Variants in MACROD2 observed in about 807,000 individuals in gnomAD.
The protein encoded by MACROD2 is ADP-ribose glycohydrolase MACROD2.
Under a neutral mutation model 70.4 loss-of-function variants are expected in MACROD2, and 36 were observed. That is an observed-to-expected ratio of 0.51 (90% CI 0.39 to 0.68). MACROD2 has a LOEUF of 0.68. Ranked by LOEUF, MACROD2 falls within the 30% of genes least tolerant of loss-of-function variation. The pLI, the probability that MACROD2 is intolerant of heterozygous loss-of-function variation, is 0.00. For missense variants in MACROD2, 496 were observed against 538.4 expected (o/e 0.92, Z 0.78); for synonymous variants, 172 against 178.8 (o/e 0.96, Z 0.30).
chr20:14,323,664 A>C (rs1412068973), intron 3 of MACROD2: 1 of 152,198 alleles, frequency 6.6e-6, no homozygotes. Flanking sequence ...CCTGCCAGCT[A>C]TCAGTGAACT....
At chr20:14,604,121 C>T (rs1475607536) in intron 4 of MACROD2, among the ~76,000 whole-genome samples, 4 of 152,086 alleles carry the variant, frequency 2.6e-5, no homozygotes, top group Admixed American at 6.6e-5. Flanking sequence ...CTTATTTTGT[C>T]GAATTAACTA....
intron 4 of MACROD2, among the ~76,000 whole-genome samples, chr20:14,638,604 T>G (rs893505655): frequency 1.3e-5 from 2 of 152,172 alleles, no homozygotes; most frequent in Non-Finnish European, 2.9e-5. Context: ...TTTCCTCATC[T>G]GTATAATGAG....
intron 15 of MACROD2, among the ~76,000 whole-genome samples, chr20:16,002,983 G>A (rs2066731209): frequency 6.6e-6 from 1 of 151,860 alleles, no homozygotes; most frequent in Non-Finnish European, 1.5e-5. Flanking sequence ...TTTCAATGAT[G>A]TTTATTAATT....
intron 3 of MACROD2, among the ~76,000 whole-genome samples, chr20:14,164,550 G>A (rs1186802458): frequency 6.6e-6 from 1 of 152,146 alleles, no homozygotes; most frequent in East Asian, 1.9e-4. Context: ...AATTGTCTGG[G>A]ACAAAAGTAG....
intron 15 of MACROD2, among the ~76,000 whole-genome samples, chr20:16,038,969 C>G (rs929992771): frequency 2.7e-5 from 4 of 150,468 alleles, no homozygotes; most frequent in African/African-American, 7.5e-5. Flanking sequence ...AGGATATAAC[C>G]CTTCAGGGTA....
chr20:15,469,606 C>T (rs574338298), intron 7 of MACROD2, among the ~76,000 whole-genome samples: 17 of 152,134 alleles, frequency 1.1e-4, no homozygotes, highest in South Asian at 2.1e-4. Context: ...GTAAGGAGAC[C>T]GACTGAGCAA....
At chr20:15,098,374 C>A (rs1359740904) in intron 5 of MACROD2, among the ~76,000 whole-genome samples, 1 of 152,170 alleles carries the variant, frequency 6.6e-6, no homozygotes, top group Non-Finnish European at 1.5e-5. Context: ...TAGCTGCTCT[C>A]CTCATAACAG....
chr20:14,326,631 A>G lies in MACROD2; in HGVS notation c.272-166848A>G, dbSNP rs1258135210. ...TCAGTTGTGTTATATTGTCCAAATC[A>G]TCAAAGATACCCTGAGGTAAATTAC... On this transcript the variant is annotated intron_variant, in intron 3 of 17. Coordinates refer to ENST00000684519, the MANE Select transcript of MACROD2 (RefSeq NM_001351661.2). This position sits in a 1 kb window ranked among gnomAD's most constrained non-coding sequence, Gnocchi z 5.5. 1.2e-6 allele frequency: 2 copies of G among 1,613,854 alleles called. No individual in the cohort carries two copies. The highest frequency in any genetic ancestry group is 8.5e-7 in the Non-Finnish European group (1 of 1,179,832).
intron 5 of MACROD2, among the ~76,000 whole-genome samples, chr20:14,689,923 A>C (rs1272959024): frequency 6.6e-6 from 1 of 152,238 alleles, no homozygotes; most frequent in African/African-American, 2.4e-5. Flanking sequence ...AATTGGTAGT[A>C]GGTGGAATAT....
intron 5 of MACROD2, among the ~76,000 whole-genome samples, chr20:15,064,623 G>T (rs1184333571): frequency 6.6e-6 from 1 of 152,082 alleles, no homozygotes; most frequent in Non-Finnish European, 1.5e-5. Context: ...AATGTTGCTG[G>T]TTTTGAATAA....
intron 4 of MACROD2, among the ~76,000 whole-genome samples, chr20:14,663,311 C>T (rs1173450943): frequency 6.6e-6 from 1 of 151,582 alleles, no homozygotes; most frequent in African/African-American, 2.4e-5. Flanking sequence ...GGGAACAACA[C>T]ACACAGGGGC....
At chr20:14,784,793 G>A (rs562567460) in intron 5 of MACROD2, among the ~76,000 whole-genome samples, 10 of 151,446 alleles carry the variant, frequency 6.6e-5, no homozygotes, top group South Asian at 2.1e-4. Context: ...CATTGTTGCC[G>A]AAATAATACT....
intron 5 of MACROD2, among the ~76,000 whole-genome samples, chr20:15,039,983 T>G (rs529621516): frequency 6.6e-6 from 1 of 152,232 alleles, no homozygotes; most frequent in African/African-American, 2.4e-5. Flanking sequence ...GACGTTCAAT[T>G]ACTTAGTGGC....
intron 8 of MACROD2, among the ~76,000 whole-genome samples, chr20:15,704,605 G>T (rs1397916773): frequency 6.6e-6 from 1 of 152,174 alleles, no homozygotes; most frequent in Non-Finnish European, 1.5e-5. Flanking sequence ...AGATTCTGTG[G>T]GTATAAGGTG....
intron 10 of MACROD2, among the ~76,000 whole-genome samples, chr20:15,921,889 G>A (rs1282275857): frequency 6.6e-6 from 1 of 152,214 alleles, no homozygotes; most frequent in East Asian, 1.9e-4. Context: ...CTGAGACTTA[G>A]TCCTGCGGGA....
At chr20:15,335,359 GT>G (rs544006277) in intron 6 of MACROD2, among the ~76,000 whole-genome samples, 4 of 150,682 alleles carry the variant, frequency 2.7e-5, no homozygotes, top group East Asian at 3.9e-4. Context: ...TCATTCCAAG[GT>G]TTTTTTTTCC....
chr20:15,683,617 C>T (rs979477090), intron 8 of MACROD2, among the ~76,000 whole-genome samples: 5 of 152,204 alleles, frequency 3.3e-5, no homozygotes, highest in Admixed American at 2.0e-4. Context: ...CTCACTCTGT[C>T]GCTGAGGCTG....
intron 4 of MACROD2, among the ~76,000 whole-genome samples, chr20:14,543,385 CTT>C (rs2085456101): frequency 6.6e-6 from 1 of 152,168 alleles, no homozygotes; most frequent in Non-Finnish European, 1.5e-5. Context: ...TCCCTGGTCT[CTT>C]TAAGTTTTAC....
chr20:14,484,821 T>G (rs938927788), intron 3 of MACROD2, among the ~76,000 whole-genome samples: 4 of 152,224 alleles, frequency 2.6e-5, no homozygotes, highest in African/African-American at 9.6e-5. Flanking sequence ...TGTACCATGT[T>G]TTCTTTATCC....
Sources: allele counts gnomAD v4.1 joint callset (sites outside exome capture counted in the v4.1 genomes callset), GRCh38; gene constraint gnomAD v4.1.1; non-coding constraint Gnocchi (gnomAD v3.1); transcripts MANE v1.5; gene names NCBI Gene and HGNC (gene_info 2026-07-23, HGNC 2026-07-21).